Variants in TRPM1 observed in about 807,000 individuals in gnomAD.
TRPM1 encodes transient receptor potential cation channel subfamily M member 1.
TRPM1 carries 113 observed loss-of-function variants against 149.4 expected under a neutral mutation model. That is an observed-to-expected ratio of 0.76 (90% CI 0.65 to 0.88). TRPM1 has a LOEUF of 0.88. Ranked by LOEUF, TRPM1 falls within the 40% of genes least tolerant of loss-of-function variation. TRPM1 has a pLI of 0.00. For synonymous variants in TRPM1, 741 were observed against 759.5 expected (o/e 0.98, Z 0.40); for missense variants, 1,976 against 2,038.7 (o/e 0.97, Z 0.59).
In TRPM1 at chr15:31,063,309, A is replaced by G; in HGVS notation, c.791-17T>C. 6.2e-7 allele frequency: 1 copy of G among 1,613,978 alleles called. No individual in the cohort carries two copies. Among genetic ancestry groups the G allele is most frequent in the Non-Finnish European group, 8.5e-7 (1 of 1,179,994 alleles). Reference sequence around the variant, plus strand: ...GCCCCAGTCCTGCAACACAAACCACATTCGCCCATACCACCTGTGCCCTGC... The same window carrying G: ...GCCCCAGTCCTGCAACACAAACCACGTTCGCCCATACCACCTGTGCCCTGC... On this transcript the variant is annotated splice_polypyrimidine_tract_variant and intron_variant, in intron 7 of 27. Transcript: ENST00000256552.
In TRPM1 at chr15:31,038,094, G is replaced by T. The variant is rs1311102401; in HGVS notation, c.2389C>A (p.Gln797Lys). ...EFRTYDDFSY[Q>K]TSKENEDGKE... ...CCATCCTCATTTTCCTTGGATGTTT[G>T]ATACGAGAAATCATCATATGTGCGA... The change falls in exon 19 of 28, where the codon CAA becomes AAA. Residue 797 changes from glutamine (Q) to lysine (K), a missense_variant. Transcript: ENST00000256552. The T allele has an allele frequency of 6.2e-7, 1 of 1,613,952 alleles. No individual in the cohort carries two copies. Among genetic ancestry groups the T allele is most frequent in the African/African-American group, 1.3e-5 (1 of 74,904 alleles).
At chr15:31,105,435 CTGTGTGTGTGTG>C (rs10525947), upstream of TRPM1, among the ~76,000 whole-genome samples, 67 of 148,686 alleles carry the variant, frequency 4.5e-4, no homozygotes, top group African/African-American at 1.2e-3. Context: ...CTGTGTGTCT[CTGTGTGTGTGTG>C]TGTGTGTGTG....
chr15:31,133,696 A>G (rs2036051273), intron 1 of TRPM1, among the ~76,000 whole-genome samples: 1 of 152,026 alleles, frequency 6.6e-6, no homozygotes, highest in Admixed American at 6.5e-5. Context: ...AAAACAAAAA[A>G]AAAATTGGGA....
chr15:31,160,026 C>G (rs935203553), intron 1 of TRPM1, among the ~76,000 whole-genome samples: 6 of 152,168 alleles, frequency 3.9e-5, no homozygotes, highest in African/African-American at 1.4e-4. Flanking sequence ...TCCCCCCACC[C>G]TTCTGTGCAC....
Position 31,002,872 on chromosome 15 carries a change from C to A in TRPM1, c.3828G>T (p.Glu1276Asp). The change falls in exon 28 of 28, where the codon GAG (glutamate) becomes GAT (aspartate). Residue 1276 changes from glutamate (E) to aspartate (D), a missense_variant. By Grantham distance (45) the Glu-to-Asp change is conservative. Coordinates refer to ENST00000256552, the MANE Select transcript of TRPM1 (RefSeq NM_001252024.2). ...QARSRASSECEATYLLRQSSI... is the reference protein window; with the variant it reads ...QARSRASSECDATYLLRQSSI... ...TGCTTTGCCGGAGAAGATACGTTGC[C>A]TCACATTCAGAAGAAGCCCGGGACC... 1 of 1,614,186 alleles carries A rather than the reference C, an allele frequency of 6.2e-7. No individual in the cohort carries two copies. Among genetic ancestry groups the A allele is most frequent in the African/African-American group, 1.3e-5 (1 of 75,046 alleles).
intron 1 of TRPM1, among the ~76,000 whole-genome samples, chr15:31,119,917 G>A (rs1359826038): frequency 2.0e-5 from 3 of 152,062 alleles, no homozygotes; most frequent in African/African-American, 4.8e-5. Context: ...ATTGAAACTA[G>A]AGAAGGCAGA....
rs532694224 is a variant in TRPM1, at chr15:31,063,869, G to A, written c.791-577C>T. Reference sequence around the variant, plus strand: ...AAACTCCTGAATAACCCACCCACCTGATGTTGGGGCTACTTCAAGGTGACC... The same window carrying A: ...AAACTCCTGAATAACCCACCCACCTAATGTTGGGGCTACTTCAAGGTGACC... On this transcript the variant is annotated intron_variant, in intron 7 of 27. Transcript: ENST00000256552. Among the ~76,000 whole-genome samples the A allele has an allele frequency of 2.3e-3, 354 of 152,306 alleles. 1 individual carries two copies. Among genetic ancestry groups the A allele is most frequent in the Non-Finnish European group, 3.4e-3 (234 of 68,020 alleles).
chr15:31,105,124 G>C (rs912092937), upstream of TRPM1, among the ~76,000 whole-genome samples: 46 of 152,168 alleles, frequency 3.0e-4, no homozygotes, highest in African/African-American at 1.0e-3. Context: ...TCATGGATTT[G>C]AACATATTTG....
At chr15:31,063,912 G>A (rs978759384) in intron 7 of TRPM1, among the ~76,000 whole-genome samples, 1 of 152,144 alleles carries the variant, frequency 6.6e-6, no homozygotes, top group South Asian at 2.1e-4. Context: ...AATATTGGAA[G>A]GTATTCCTGG....
chr15:31,096,073 GAAAA>G (rs2035377037), intron 1 of TRPM1, among the ~76,000 whole-genome samples: 3 of 69,050 alleles, frequency 4.3e-5, no homozygotes. Context: ...AAATAGAAAA[GAAAA>G]GAAAAGAAAA....
intron 8 of TRPM1, 30 bp downstream of exon 8, chr15:31,063,088 C>A (rs775020461): frequency 6.8e-6 from 11 of 1,613,808 alleles, no homozygotes; most frequent in Non-Finnish European, 8.5e-6. Flanking sequence ...AGTTACGAAC[C>A]CGCCCTTCCT....
chr15:31,120,708 C>T (rs1291544680), intron 1 of TRPM1, among the ~76,000 whole-genome samples: 1 of 142,972 alleles, frequency 7.0e-6, no homozygotes, highest in Non-Finnish European at 1.5e-5. Flanking sequence ...TGCTCTCAGA[C>T]CACAATGGAA....
chr15:31,104,651 T>C (rs1309587579), upstream of TRPM1, among the ~76,000 whole-genome samples: 2 of 142,288 alleles, frequency 1.4e-5, no homozygotes, highest in East Asian at 2.1e-4. Context: ...TGGAGTGCAG[T>C]GGCGCCATCT....
At chr15:31,078,655 G>T (rs2034776981) in intron 2 of TRPM1, among the ~76,000 whole-genome samples, 1 of 152,218 alleles carries the variant, frequency 6.6e-6, no homozygotes, top group Admixed American at 6.5e-5. Flanking sequence ...AGCCTCTGAA[G>T]CCCCGCCCTG....
intron 26 of TRPM1, 166 bp from the exon 27 acceptor site, chr15:31,026,437 C>T (rs1300368852): frequency 2.4e-6 from 2 of 831,824 alleles, no homozygotes; most frequent in Non-Finnish European, 1.9e-6. Flanking sequence ...GGTTGTCATA[C>T]GCCCCAACCC....
At chr15:31,050,649 A>C in intron 11 of TRPM1, 67 bp from the exon 12 acceptor site, 3 of 1,567,998 alleles carry the variant, frequency 1.9e-6, no homozygotes, top group Non-Finnish European at 2.6e-6. Flanking sequence ...AGACCAGCTC[A>C]TTGACCCTCC....
chr15:31,103,706 G>A (rs1236203189), upstream of TRPM1, among the ~76,000 whole-genome samples: 2 of 151,522 alleles, frequency 1.3e-5, no homozygotes, highest in Non-Finnish European at 2.9e-5. Context: ...CCAGCTACTC[G>A]GGAGGCTGAG....
Position 31,037,835 on chromosome 15 carries a change from T to C in TRPM1, c.2447A>G (p.Asn816Ser), listed in dbSNP as rs1356135974. ...CCCCTTTCTTGAGCCAGCATCTGCA[T>C]TTGCATCCTGGAAAACAGAGCACAG... The part of the protein sequence containing the change: ...KEKEEENTDA[N>S]ADAGSRKGDE... The change falls in exon 20 of 28, where the codon AAT becomes AGT. Residue 816 changes from asparagine to serine, a missense_variant. Transcript: ENST00000256552. The C allele has an allele frequency of 1.9e-6, 3 of 1,614,090 alleles. No homozygotes were observed. Among genetic ancestry groups the C allele is most frequent in the African/African-American group, 2.7e-5 (2 of 75,038 alleles).
rs775359111 is a variant in TRPM1, at chr15:31,062,664, G to GT, written c.1003dup (p.Thr335AsnfsTer7). On this transcript the variant is annotated frameshift_variant, in exon 9 of 28. Coordinates refer to ENST00000256552, the MANE Select transcript of TRPM1 (RefSeq NM_001252024.2). LOFTEE classifies it high-confidence loss of function. ...ATTATAATTAAATGTTTTCTGAATGGTAACTAGAAGCTGCTCCCTGAGGGA... is the reference window on the plus strand; with the variant it reads ...ATTATAATTAAATGTTTTCTGAATGGTTAACTAGAAGCTGCTCCCTGAGGGA... 2 of 1,614,044 alleles carry GT rather than the reference G, an allele frequency of 1.2e-6. No individual in the cohort carries two copies. The highest frequency in any genetic ancestry group is 3.3e-5 in the Admixed American group (2 of 60,032).
Sources: allele counts gnomAD v4.1 joint callset (sites outside exome capture counted in the v4.1 genomes callset), GRCh38; gene constraint gnomAD v4.1.1; transcripts MANE v1.5; gene names NCBI Gene and HGNC (gene_info 2026-07-23, HGNC 2026-07-21).